GCNT2: variants seen among roughly 807,000 people sequenced by gnomAD.
The protein encoded by GCNT2 is glucosaminyl (N-acetyl) transferase 2 (I blood group), also known as N-acetyllactosaminide beta-1,6-N-acetylglucosaminyl-transferase.
A neutral mutation model predicts 34.2 loss-of-function variants in GCNT2; 34 were observed. The ratio of observed to expected loss-of-function variants is 1.00; its 90% CI spans 0.76 to 1.32. The LOEUF is 1.32. GCNT2 is among the 40% of genes most tolerant of loss of function. GCNT2 has a pLI of 0.00. For synonymous variants in GCNT2, 212 were observed against 188.0 expected, an observed-to-expected ratio of 1.13 and a Z score of -1.04; for missense variants, 584 against 489.4, an observed-to-expected ratio of 1.19 and a Z score of -1.82.
chr6:10,551,723 A>G (rs1220328383), intron 3 of GCNT2, among the ~76,000 whole-genome samples: 2 of 148,218 alleles, frequency 1.3e-5, no homozygotes, highest in Admixed American at 6.7e-5. Flanking sequence ...GATTACGGGC[A>G]TGAGCCACTG....
intron 3 of GCNT2, chr6:10,530,338 C>T (rs1185635465): frequency 6.5e-6 from 1 of 154,624 alleles, no homozygotes; most frequent in Non-Finnish European, 1.4e-5. Flanking sequence ...GCACTCCAGC[C>T]TGGGTGACAG....
intron 3 of GCNT2, among the ~76,000 whole-genome samples, chr6:10,585,032 AGTGTGT>A (rs57538079): frequency 0.039 from 4,910 of 127,422 alleles, 103 homozygotes; most frequent in East Asian, 0.098. Context: ...TCCCATAGTC[AGTGTGT>A]GTGTGTGTGT....
chr6:10,616,376 G>GA (rs1399454222), intron 3 of GCNT2, among the ~76,000 whole-genome samples: 1 of 152,206 alleles, frequency 6.6e-6, no homozygotes, highest in Non-Finnish European at 1.5e-5. Context: ...CCACAGTGTG[G>GA]AAAGCAACCT....
rs201257236 is a variant in GCNT2 at position 10,537,698 on chromosome 6, CAAAAA to C, written c.925+7886_925+7890del. 6.0e-5 allele frequency among the ~76,000 whole-genome samples: 5 copies of C among 83,226 alleles called. No individual in the cohort carries two copies. The East Asian group carries it at 8.6e-4, about 14-fold the overall frequency. The allele number at this position is 83,226 out of a possible 152,430, so 54.6% of individuals were successfully genotyped here. On this transcript the variant is annotated intron_variant, in intron 3 of 4. Coordinates refer to ENST00000495262, the MANE Select transcript of GCNT2 (RefSeq NM_145649.5). ...CCTGGGCAAGAGGGAGATTCTGCCGCAAAAAAAAAAAAAAAAAAAAAAAAAAAACA... is the reference window on the plus strand; with the variant it reads ...CCTGGGCAAGAGGGAGATTCTGCCGCAAAAAAAAAAAAAAAAAAAAAAACA...
intron 3 of GCNT2, among the ~76,000 whole-genome samples, chr6:10,611,591 AGTGCTGGGATTACAGGC>A (rs1227419796): frequency 6.6e-6 from 1 of 151,960 alleles, no homozygotes; most frequent in African/African-American, 2.4e-5. Context: ...GGCCTCCCAA[AGTGCTGGGATTACAGGC>A]GTGAGCCACC....
At chr6:10,582,415 TTTA>T (rs932335474) in intron 3 of GCNT2, among the ~76,000 whole-genome samples, 3 of 124,504 alleles carry the variant, frequency 2.4e-5, no homozygotes, top group South Asian at 2.2e-4. Context: ...TAGTATAATA[TTTA>T]TTATATACTA....
At chr6:10,604,867 G>GA (rs3064184) in intron 3 of GCNT2, among the ~76,000 whole-genome samples, 39 of 147,886 alleles carry the variant, frequency 2.6e-4, no homozygotes, top group East Asian at 2.0e-3. Context: ...TCAAAAAAAA[G>GA]AAAAAGAAAA....
At chr6:10,576,697 GAC>G (rs1256776218) in intron 3 of GCNT2, among the ~76,000 whole-genome samples, 3 of 151,126 alleles carry the variant, frequency 2.0e-5, no homozygotes, top group South Asian at 2.1e-4. Context: ...GAGAGAGAGA[GAC>G]ACACACATAG....
At chr6:10,569,022 A>C (rs887991894) in intron 3 of GCNT2, among the ~76,000 whole-genome samples, 7 of 151,988 alleles carry the variant, frequency 4.6e-5, no homozygotes, top group African/African-American at 1.7e-4. Context: ...ATTAATGTGA[A>C]TATCGTATTA....
intron 3 of GCNT2, among the ~76,000 whole-genome samples, chr6:10,577,155 C>T (rs556201): frequency 0.022 from 3,302 of 152,310 alleles, 106 homozygotes; most frequent in African/African-American, 0.073. Context: ...GTGACTTTGG[C>T]CTAGCAACTT....
At chr6:10,542,890 ATTCTTTTTTT>A (rs1309050066) in intron 3 of GCNT2, among the ~76,000 whole-genome samples, 1,112 of 107,526 alleles carry the variant, frequency 0.01, 21 homozygotes, top group African/African-American at 0.047. Flanking sequence ...CCCTATGTTA[ATTCTTTTTTT>A]TTTTTTTTTT....
At chr6:10,552,012 G>GCCT (rs1762506404) in intron 3 of GCNT2, among the ~76,000 whole-genome samples, 1 of 152,126 alleles carries the variant, frequency 6.6e-6, no homozygotes, top group Admixed American at 6.5e-5. Flanking sequence ...ACCCATCTTG[G>GCCT]CCTCCCAAAG....
At chr6:10,563,771 AAAAAAAATATATAT>A (rs1479339337) in intron 3 of GCNT2, among the ~76,000 whole-genome samples, 804 of 65,198 alleles carry the variant, frequency 0.012, 6 homozygotes, top group African/African-American at 0.045. Flanking sequence ...AAAAAAAAAA[AAAAAAAATATATAT>A]ATATATATAT....
At chr6:10,537,706 AAAAAAAAAAAAAAAAAAAAAC>A (rs1761830791) in intron 3 of GCNT2, among the ~76,000 whole-genome samples, 1 of 55,632 alleles carries the variant, frequency 1.8e-5, no homozygotes, top group African/African-American at 4.5e-5. Flanking sequence ...CGCAAAAAAA[AAAAAAAAAAAAAAAAAAAAAC>A]AAAACAAAGA....
chr6:10,556,539 C>A, intron 3 of GCNT2: 1 of 1,614,038 alleles, frequency 6.2e-7, no homozygotes, highest in South Asian at 1.1e-5. Context: ...CTAAATATCT[C>A]AGACCCTTTG....
chr6:10,539,558 A>T (rs910413897), intron 3 of GCNT2, among the ~76,000 whole-genome samples: 1 of 152,076 alleles, frequency 6.6e-6, no homozygotes, highest in Non-Finnish European at 1.5e-5. Flanking sequence ...TATCCTGGGG[A>T]TAAAATATCT....
intron 3 of GCNT2, among the ~76,000 whole-genome samples, chr6:10,536,260 G>A (rs1333528131): frequency 6.6e-6 from 1 of 152,200 alleles, no homozygotes; most frequent in East Asian, 1.9e-4. Context: ...CGAATGGACA[G>A]ACTTGAAGGG....
intron 3 of GCNT2, among the ~76,000 whole-genome samples, chr6:10,540,946 G>T (rs1762011202): frequency 6.6e-6 from 1 of 152,214 alleles, no homozygotes; most frequent in African/African-American, 2.4e-5. Context: ...TTAGTCATCT[G>T]ATTGCTAGGG....
intron 3 of GCNT2, among the ~76,000 whole-genome samples, chr6:10,607,093 T>TGC (rs1765354721): frequency 6.6e-6 from 1 of 151,968 alleles, no homozygotes; most frequent in East Asian, 1.9e-4. Context: ...ATTACAGGGG[T>TGC]GCACCACCAC....
Sources: allele counts gnomAD v4.1 joint callset (sites outside exome capture counted in the v4.1 genomes callset), GRCh38; gene constraint gnomAD v4.1.1; transcripts MANE v1.5; gene names NCBI Gene and HGNC (gene_info 2026-07-23, HGNC 2026-07-21).